Variants in FAT4 observed in about 807,000 individuals in gnomAD.
The protein encoded by FAT4 is protocadherin Fat 4.
A neutral mutation model predicts 303.9 loss-of-function variants in FAT4; 84 were observed. The ratio of observed to expected loss-of-function variants is 0.28; its 90% CI spans 0.23 to 0.33. The LOEUF (loss-of-function observed/expected upper bound fraction) is 0.33. Ranked by LOEUF, FAT4 falls within the 10% of genes least tolerant of loss-of-function variation. FAT4 has a pLI of 1.00. For missense variants in FAT4, 6,005 were observed against 6,146.8 expected, an observed-to-expected ratio of 0.98 and a Z score of 0.77; for synonymous variants, 2,307 against 2,298.8, an observed-to-expected ratio of 1.00 and a Z score of -0.10.
At chr4:125,341,482 T>C (rs1164476894) in intron 2 of FAT4, among the ~76,000 whole-genome samples, 2 of 152,044 alleles carry the variant, frequency 1.3e-5, no homozygotes, top group African/African-American at 4.8e-5. Flanking sequence ...TGATGAGGGG[T>C]ATAGTAATGT....
At chr4:125,443,058 A>C (rs1187161407) in intron 8 of FAT4, among the ~76,000 whole-genome samples, 1 of 152,164 alleles carries the variant, frequency 6.6e-6, no homozygotes. Context: ...TTTATGTCCA[A>C]GTGAACTATG....
At chr4:125,360,593 C>T (rs1429783822) in intron 2 of FAT4, among the ~76,000 whole-genome samples, 1 of 152,108 alleles carries the variant, frequency 6.6e-6, no homozygotes, top group Non-Finnish European at 1.5e-5. Flanking sequence ...AGTTACTGTT[C>T]TCAAGGAACT....
At chr4:125,479,146 CTTAACAAAGA>C (rs1334329726) in intron 14 of FAT4, among the ~76,000 whole-genome samples, 2 of 152,110 alleles carry the variant, frequency 1.3e-5, no homozygotes, top group South Asian at 2.1e-4. Flanking sequence ...TTATTTAGGT[CTTAACAAAGA>C]TTAAGATTAA....
At chr4:125,435,928 G>A (rs1017682631) in intron 8 of FAT4, among the ~76,000 whole-genome samples, 8 of 151,562 alleles carry the variant, frequency 5.3e-5, no homozygotes, top group African/African-American at 1.7e-4. Context: ...TATCCAAGTA[G>A]AGTAACTTTG....
Position 125,377,159 on chromosome 4 carries a change from G to T in FAT4, c.5176-21625G>T, listed in dbSNP as rs1278701865. Reference sequence around the variant, plus strand: ...ATAGACCTTTTTTCAATATTTTTATGGCAATTACAGGCACAAATTACCAAC... The same window carrying T: ...ATAGACCTTTTTTCAATATTTTTATTGCAATTACAGGCACAAATTACCAAC... On this transcript the variant is annotated intron_variant, in intron 2 of 17. Coordinates refer to ENST00000394329, the MANE Select transcript of FAT4 (RefSeq NM_001291303.3). Among the ~76,000 whole-genome samples, 8 of 151,848 alleles carry T rather than the reference G, an allele frequency of 5.3e-5. No individual in the cohort carries two copies. The South Asian group carries it at 1.7e-3, about 32-fold the overall frequency.
At chr4:125,372,334 C>A (rs1733148676) in intron 2 of FAT4, among the ~76,000 whole-genome samples, 1 of 150,120 alleles carries the variant, frequency 6.7e-6, no homozygotes, top group African/African-American at 2.5e-5. Context: ...TGCCCTCCAG[C>A]CTGGATGGCA....
At chr4:125,387,127 G>A (rs78474635) in intron 2 of FAT4, among the ~76,000 whole-genome samples, 8,226 of 152,264 alleles carry the variant, frequency 0.054, 235 homozygotes, top group Middle Eastern at 0.095. Flanking sequence ...GCTATGGGCC[G>A]GGTTCCTAAC....
intron 2 of FAT4, among the ~76,000 whole-genome samples, chr4:125,376,866 CAA>C (rs887240926): frequency 2.6e-5 from 4 of 152,042 alleles, no homozygotes; most frequent in African/African-American, 9.7e-5. Flanking sequence ...GCCTGGGCAA[CAA>C]GAGTGAAACT....
intron 3 of FAT4, among the ~76,000 whole-genome samples, chr4:125,404,188 A>G (rs1734497742): frequency 6.6e-6 from 1 of 152,118 alleles, no homozygotes; most frequent in South Asian, 2.1e-4. Flanking sequence ...ATTTTCCAGA[A>G]CAGGGACTTT....
At chr4:125,474,151 A>T (rs1726951569) in intron 12 of FAT4, among the ~76,000 whole-genome samples, 1 of 152,022 alleles carries the variant, frequency 6.6e-6, no homozygotes, top group Non-Finnish European at 1.5e-5. Flanking sequence ...TCTTTCTTTG[A>T]GTTGTATCAG....
At position 125,315,808 on chromosome 4, in the gene FAT4, C is replaced by T. The variant is rs1273561112; in HGVS notation, c.-182C>T. Among the ~76,000 whole-genome samples the T allele has an allele frequency of 6.6e-6, 1 of 152,186 alleles. No homozygotes were observed. The highest frequency in any genetic ancestry group is 1.5e-5 in the Non-Finnish European group (1 of 68,044). On this transcript the variant is annotated 5_prime_UTR_variant, in exon 1 of 18. Transcript: ENST00000394329. ...GGCCTCAGCGGCCACTGCCGGCGCC[C>T]TGTTGGAGGGGCGTTGCAGCCTGGT...
At chr4:125,374,237 G>A (rs532669966) in intron 2 of FAT4, among the ~76,000 whole-genome samples, 16 of 152,160 alleles carry the variant, frequency 1.1e-4, no homozygotes, top group East Asian at 5.8e-4. Context: ...TACATCCCTC[G>A]TTGTAAAAGG....
In FAT4 at chr4:125,317,613, G is replaced by A; in HGVS notation, c.1202G>A (p.Gly401Asp). ...NGNISVQILG[G>D]NEQRHFEVQS... ...AACATCTCCGTGCAAATTCTCGGGG[G>A]CAATGAGCAGCGCCACTTTGAAGTG... The change falls in exon 2 of 18, where the codon GGC becomes GAC. Residue 401 changes from glycine (G) to aspartate (D), a missense_variant. By Grantham distance (94) the Gly-to-Asp change is moderately conservative (BLOSUM62 -1). Coordinates refer to ENST00000394329, the MANE Select transcript of FAT4 (RefSeq NM_001291303.3). The surrounding 1 kb of genome is among the most constrained non-coding windows in gnomAD (Gnocchi z 7.0). 1 of 1,613,920 alleles carries A rather than the reference G, an allele frequency of 6.2e-7. No individual in the cohort carries two copies. Among genetic ancestry groups the A allele is most frequent in the Non-Finnish European group, 8.5e-7 (1 of 1,179,956 alleles).
chr4:125,385,964 G>T (rs1414193406), intron 2 of FAT4, among the ~76,000 whole-genome samples: 1 of 152,042 alleles, frequency 6.6e-6, no homozygotes, highest in Non-Finnish European at 1.5e-5. Context: ...AATTTATTTT[G>T]TGATTTATTT....
At chr4:125,443,366 T>C (rs767732519) in intron 8 of FAT4, among the ~76,000 whole-genome samples, 1 of 152,192 alleles carries the variant, frequency 6.6e-6, no homozygotes, top group African/African-American at 2.4e-5. Context: ...CAAGAGTCCA[T>C]GTTGGCCTTC....
intron 8 of FAT4, among the ~76,000 whole-genome samples, chr4:125,436,584 A>G (rs543298623): frequency 6.6e-6 from 1 of 152,304 alleles, no homozygotes; most frequent in Non-Finnish European, 1.5e-5. Flanking sequence ...GAGACTGGGT[A>G]ATTTATAAAG....
rs753805127 is a variant in FAT4 at position 125,449,931 on chromosome 4, A to G, written c.8921A>G (p.Asn2974Ser). ...SLISETTVTINIVDSNDNAPQ... is the reference protein window; with the variant it reads ...SLISETTVTISIVDSNDNAPQ... Reference sequence around the variant, plus strand: ...ATTAGTGAGACAACAGTTACCATCAATATAGTGGACAGTAATGACAATGCA... The same window carrying G: ...ATTAGTGAGACAACAGTTACCATCAGTATAGTGGACAGTAATGACAATGCA... The change falls in exon 10 of 18, where the codon AAT becomes AGT. Residue 2974 changes from asparagine (N) to serine (S), a missense_variant. By Grantham distance (46) the Asn-to-Ser change is conservative (BLOSUM62 1). Transcript: ENST00000394329. 16 of 1,613,892 alleles carry G rather than the reference A, an allele frequency of 9.9e-6. No homozygotes were observed. In the South Asian group the frequency reaches 1.6e-4, roughly 17 times the overall value.
intron 8 of FAT4, among the ~76,000 whole-genome samples, chr4:125,436,807 T>A (rs1000155761): frequency 6.6e-6 from 1 of 152,094 alleles, no homozygotes; most frequent in Admixed American, 6.6e-5. Context: ...GATTCAATTA[T>A]CTCCACCTGA....
At chr4:125,353,058 G>A (rs1732291657) in intron 2 of FAT4, among the ~76,000 whole-genome samples, 2 of 151,712 alleles carry the variant, frequency 1.3e-5, no homozygotes. Context: ...AAATCTTTGT[G>A]AAATTTTAGC....
Sources: gnomAD v4.1 joint callset for allele counts (sites outside exome capture counted in the v4.1 genomes callset) on GRCh38, gnomAD v4.1.1 for gene constraint, Gnocchi (gnomAD v3.1) non-coding constraint, MANE v1.5 for transcripts, NCBI Gene and HGNC (gene_info 2026-07-23, HGNC 2026-07-21) for gene names.